PTPN9: variants seen among roughly 807,000 people sequenced by gnomAD.
The protein encoded by PTPN9 is tyrosine-protein phosphatase non-receptor type 9.
In PTPN9, 26 loss-of-function variants were observed where a neutral mutation model predicts 69.8. The observed-to-expected ratio is 0.37, with a 90% CI of 0.27 to 0.52. The LOEUF (loss-of-function observed/expected upper bound fraction) is 0.52. Ranked by LOEUF, PTPN9 falls within the 20% of genes least tolerant of loss-of-function variation. The pLI is 0.91. For missense variants in PTPN9, 549 were observed against 740.3 expected, an observed-to-expected ratio of 0.74 and a Z score of 3.00; for synonymous variants, 274 against 272.5, an observed-to-expected ratio of 1.01 and a Z score of -0.05.
intron 1 of PTPN9, among the ~76,000 whole-genome samples, chr15:75,530,302 C>A (rs565254885): frequency 7.2e-6 from 1 of 139,852 alleles, no homozygotes; most frequent in East Asian, 2.0e-4. Flanking sequence ...TCCGGGAGGC[C>A]AAGGCAGGAA....
At chr15:75,564,839 C>A (rs1455575963) in intron 1 of PTPN9, among the ~76,000 whole-genome samples, 1 of 151,816 alleles carries the variant, frequency 6.6e-6, no homozygotes, top group African/African-American at 2.4e-5. Flanking sequence ...CACGGTGGCT[C>A]ACGACTGTAA....
chr15:75,575,348 G>A lies in PTPN9; in HGVS notation c.63+3366C>T, dbSNP rs189534068. 1.6e-4 allele frequency among the ~76,000 whole-genome samples: 24 copies of A among 152,184 alleles called. No homozygotes were observed. In the East Asian group the frequency reaches 4.3e-3, roughly 27 times the overall value. ...GCACTACACTTTTGCATGAAAATGT[G>A]TAAACCGAATTTGATCCCCTACTTT... On this transcript the variant is annotated intron_variant, in intron 1 of 12. Coordinates refer to ENST00000618819, the MANE Select transcript of PTPN9 (RefSeq NM_002833.4).
At chr15:75,564,718 A>G (rs2075119402) in intron 1 of PTPN9, among the ~76,000 whole-genome samples, 1 of 151,874 alleles carries the variant, frequency 6.6e-6, no homozygotes, top group African/African-American at 2.4e-5. Flanking sequence ...ACACTTTGGG[A>G]GGGCAAGGTA....
At chr15:75,528,695 AT>A (rs770826556) in intron 1 of PTPN9, among the ~76,000 whole-genome samples, 4,777 of 125,410 alleles carry the variant, frequency 0.038, 58 homozygotes, top group African/African-American at 0.051. Flanking sequence ...CCCTCAGCAC[AT>A]TTTTTTTTTT....
At chr15:75,521,149 T>C (rs2074902794) in intron 4 of PTPN9, among the ~76,000 whole-genome samples, 1 of 146,998 alleles carries the variant, frequency 6.8e-6, no homozygotes, top group Admixed American at 6.8e-5. Flanking sequence ...TGCACCCAGT[T>C]TAAGATTTAC....
chr15:75,552,979 A>C (rs187775273), intron 1 of PTPN9, among the ~76,000 whole-genome samples: 2 of 152,094 alleles, frequency 1.3e-5, no homozygotes, highest in East Asian at 3.9e-4. Context: ...CTTTAGAGTC[A>C]GACAGCCAAG....
chr15:75,465,755 G>A lies in PTPN9; in HGVS notation c.*3014C>T, dbSNP rs1165993822. ...GCTGAAGTGATAGATAACCTCACCA[G>A]TCTTCAGATATGCAATGAGGAACTC... On this transcript the variant is annotated 3_prime_UTR_variant, in exon 13 of 13. Coordinates refer to ENST00000618819, the MANE Select transcript of PTPN9 (RefSeq NM_002833.4). 6.6e-6 allele frequency: 1 copy of A among 152,186 alleles called. No individual in the cohort carries two copies. Among genetic ancestry groups the A allele is most frequent in the Non-Finnish European group, 1.5e-5 (1 of 68,046 alleles). The allele number at this position is 152,186 out of a possible 1,614,324, so 9.4% of individuals were successfully genotyped here.
intron 8 of PTPN9, among the ~76,000 whole-genome samples, chr15:75,483,991 G>T (rs1285278044): frequency 6.6e-6 from 1 of 152,154 alleles, no homozygotes; most frequent in Non-Finnish European, 1.5e-5. Flanking sequence ...AATACAAAGG[G>T]CTGTAGAAGC....
chr15:75,509,817 C>G lies in PTPN9; in HGVS notation c.529-790G>C, dbSNP rs981796997. ...TGGCCAACATGGTGAAACCCCATCT[C>G]TACTAAAAATACAAAGATTAGCCGG... On this transcript the variant is annotated intron_variant, in intron 5 of 12. Coordinates refer to ENST00000618819, the MANE Select transcript of PTPN9 (RefSeq NM_002833.4). Among the ~76,000 whole-genome samples, 59 of 152,202 alleles carry G rather than the reference C, an allele frequency of 3.9e-4. No homozygotes were observed. In the Middle Eastern group the frequency reaches 0.01, roughly 26 times the overall value.
At chr15:75,553,326 G>C (rs1214090934) in intron 1 of PTPN9, among the ~76,000 whole-genome samples, 1 of 152,140 alleles carries the variant, frequency 6.6e-6, no homozygotes, top group Admixed American at 6.6e-5. Flanking sequence ...AAAAATTATT[G>C]TGAATTTGGA....
intron 1 of PTPN9, among the ~76,000 whole-genome samples, chr15:75,552,114 C>T (rs2075058859): frequency 6.6e-6 from 1 of 151,528 alleles, no homozygotes; most frequent in Admixed American, 6.6e-5. Flanking sequence ...AAGTGATAAG[C>T]ACTGCCGGGC....
At chr15:75,479,509 T>C (rs886543978) in intron 9 of PTPN9, among the ~76,000 whole-genome samples, 2 of 152,152 alleles carry the variant, frequency 1.3e-5, no homozygotes, top group Non-Finnish European at 2.9e-5. Context: ...GGCCTCTCAC[T>C]AGACAGGAAG....
intron 5 of PTPN9, among the ~76,000 whole-genome samples, 196 bp downstream of exon 5, chr15:75,517,063 C>T (rs1595958926): frequency 6.6e-6 from 1 of 152,040 alleles, no homozygotes; most frequent in Non-Finnish European, 1.5e-5. Context: ...ATTTTTTACC[C>T]GAATTCCTCC....
intron 1 of PTPN9, among the ~76,000 whole-genome samples, chr15:75,576,456 C>T (rs891660020): frequency 1.3e-5 from 2 of 150,708 alleles, no homozygotes; most frequent in African/African-American, 4.9e-5. Flanking sequence ...CGCTTGAACC[C>T]GGCAGATGGA....
At chr15:75,530,838 A>T (rs1293792793) in intron 1 of PTPN9, among the ~76,000 whole-genome samples, 2 of 100,484 alleles carry the variant, frequency 2.0e-5, no homozygotes, top group African/African-American at 3.9e-5. Context: ...TATATATTAT[A>T]ATATATTATA....
intron 8 of PTPN9, among the ~76,000 whole-genome samples, chr15:75,480,432 G>A (rs2074622438): frequency 6.6e-6 from 1 of 151,930 alleles, no homozygotes; most frequent in African/African-American, 2.4e-5. Flanking sequence ...GCGAAACCCT[G>A]TCTCTACTAA....
chr15:75,479,150 T>A (rs1193943736), intron 9 of PTPN9, among the ~76,000 whole-genome samples: 1 of 152,018 alleles, frequency 6.6e-6, no homozygotes, highest in Non-Finnish European at 1.5e-5. Flanking sequence ...CTACTAAAAA[T>A]ACAAAAATTA....
At chr15:75,559,502 G>A (rs925228328) in intron 1 of PTPN9, among the ~76,000 whole-genome samples, 2 of 152,182 alleles carry the variant, frequency 1.3e-5, no homozygotes, top group Admixed American at 6.6e-5. Flanking sequence ...AACATGTGCT[G>A]TGTCCACTCA....
rs1034202547 is a variant in PTPN9 at position 75,464,715 on chromosome 15, G to C, written c.*4054C>G. On this transcript the variant is annotated 3_prime_UTR_variant, in exon 13 of 13. Coordinates refer to ENST00000618819, the MANE Select transcript of PTPN9 (RefSeq NM_002833.4). ...CTGATTTATAAAAGTTTTTGTATGT[G>C]TGTCTGTCTGTCCCAAGAGACAGGA... is the stretch of plus-strand genomic sequence containing the variant. 8 of 152,140 alleles carry C rather than the reference G, an allele frequency of 5.3e-5. No individual in the cohort carries two copies. The highest frequency in any genetic ancestry group is 4.4e-5 in the Non-Finnish European group (3 of 68,044). 9.4% of individuals were successfully genotyped at this position (152,140 alleles called of 1,614,324 possible). A position where few individuals can be genotyped will look rare whatever the true frequency, so the allele number is the denominator to read the frequency against.
Sources: allele counts gnomAD v4.1 joint callset (sites outside exome capture counted in the v4.1 genomes callset), GRCh38; gene constraint gnomAD v4.1.1; transcripts MANE v1.5; gene names NCBI Gene and HGNC (gene_info 2026-07-23, HGNC 2026-07-21).